Variants in IFT80 observed in about 807,000 individuals in gnomAD.
IFT80 encodes intraflagellar transport 80.
Under a neutral mutation model 107.9 loss-of-function variants are expected in IFT80, and 79 were observed. That is an observed-to-expected ratio of 0.73 (90% CI 0.61 to 0.88). The LOEUF is 0.88. IFT80 is among the 40% of genes least tolerant of loss of function. The pLI is 0.00. For missense variants in IFT80, 797 were observed against 914.2 expected (o/e 0.87, Z 1.65); for synonymous variants, 299 against 300.9 (o/e 0.99, Z 0.07).
chr3:160,347,951 T>C (rs2108347131), intron 8 of IFT80, among the ~76,000 whole-genome samples: 1 of 152,238 alleles, frequency 6.6e-6, no homozygotes, highest in Non-Finnish European at 1.5e-5. Flanking sequence ...GCATCTGACA[T>C]TTGGATATGT....
At chr3:160,390,181 G>C (rs1487843130) in intron 1 of IFT80, among the ~76,000 whole-genome samples, 1 of 152,132 alleles carries the variant, frequency 6.6e-6, no homozygotes, top group Non-Finnish European at 1.5e-5. Context: ...ACTTTGGGAG[G>C]CCGAGGCGGG....
At chr3:160,295,421 A>G (rs1283574731) in intron 12 of IFT80, among the ~76,000 whole-genome samples, 1 of 152,090 alleles carries the variant, frequency 6.6e-6, no homozygotes, top group Non-Finnish European at 1.5e-5. Flanking sequence ...CCCGGGCAAC[A>G]TAGTGAGCCA....
At chr3:160,379,677 A>G (rs1712315791) in intron 3 of IFT80, among the ~76,000 whole-genome samples, 1 of 152,204 alleles carries the variant, frequency 6.6e-6, no homozygotes, top group Non-Finnish European at 1.5e-5. Flanking sequence ...TGTTTGTACA[A>G]TTCTTAAAAC....
chr3:160,306,896 T>C (rs1481884839), intron 10 of IFT80, among the ~76,000 whole-genome samples: 1 of 152,230 alleles, frequency 6.6e-6, no homozygotes. Flanking sequence ...TGCTAGGTGC[T>C]AGGCATACAG....
At chr3:160,299,248 T>A (rs945792430) in intron 12 of IFT80, 1 of 1,157,262 alleles carries the variant, frequency 8.6e-7, no homozygotes, top group Non-Finnish European at 1.1e-6. Flanking sequence ...AAAAAAAAAT[T>A]ACCAAAAGTC....
At chr3:160,319,029 T>C (rs1324825600) in intron 9 of IFT80, among the ~76,000 whole-genome samples, 2 of 152,054 alleles carry the variant, frequency 1.3e-5, no homozygotes, top group Non-Finnish European at 2.9e-5. Flanking sequence ...CACTAGATCA[T>C]ACTTTTTTTG....
chr3:160,367,067 A>G (rs1182098000), intron 5 of IFT80, among the ~76,000 whole-genome samples: 1 of 152,106 alleles, frequency 6.6e-6, no homozygotes, highest in East Asian at 1.9e-4. Context: ...CAACATAATG[A>G]ATGAACTACA....
chr3:160,382,619 T>C (rs1225668905), intron 2 of IFT80, among the ~76,000 whole-genome samples: 2 of 152,300 alleles, frequency 1.3e-5, no homozygotes, highest in East Asian at 1.9e-4. Flanking sequence ...ACAAAGGATG[T>C]TTTCTCTTGC....
chr3:160,362,293 C>A (rs1162007178), intron 6 of IFT80, among the ~76,000 whole-genome samples: 1 of 152,164 alleles, frequency 6.6e-6, no homozygotes, highest in Non-Finnish European at 1.5e-5. Context: ...TCGATTAACT[C>A]CTGGACACAT....
chr3:160,386,361 T>C (rs893362738), intron 1 of IFT80, among the ~76,000 whole-genome samples: 2 of 152,266 alleles, frequency 1.3e-5, no homozygotes, highest in African/African-American at 4.8e-5. Flanking sequence ...GAACGCTGCA[T>C]TGAGGTGTTT....
intron 1 of IFT80, among the ~76,000 whole-genome samples, chr3:160,394,907 G>A (rs1413417143): frequency 6.6e-6 from 1 of 152,152 alleles, no homozygotes; most frequent in Non-Finnish European, 1.5e-5. Flanking sequence ...TTAAGCTGGT[G>A]GATACCAAAA....
At chr3:160,343,986 A>G (rs1221076496) in intron 8 of IFT80, among the ~76,000 whole-genome samples, 1 of 152,194 alleles carries the variant, frequency 6.6e-6, no homozygotes. Context: ...AGTAATAGCT[A>G]TGTCAAAAGT....
chr3:160,368,126 T>C (rs1224529340), intron 5 of IFT80, among the ~76,000 whole-genome samples: 1 of 151,914 alleles, frequency 6.6e-6, no homozygotes, highest in Non-Finnish European at 1.5e-5. Context: ...AATCTGAATT[T>C]CAGGGTTTGT....
At chr3:160,291,792 A>G (rs1350143717) in intron 12 of IFT80, among the ~76,000 whole-genome samples, 6 of 152,216 alleles carry the variant, frequency 3.9e-5, no homozygotes, top group Non-Finnish European at 8.8e-5. Context: ...TGGGTGCATT[A>G]AGGTATGTCG....
intron 8 of IFT80, among the ~76,000 whole-genome samples, chr3:160,333,421 A>C (rs1337973754): frequency 1.3e-5 from 2 of 152,190 alleles, no homozygotes; most frequent in Non-Finnish European, 2.9e-5. Context: ...AATTTTTTAA[A>C]CTTTTTGACT....
intron 3 of IFT80, among the ~76,000 whole-genome samples, chr3:160,380,967 G>A (rs1167382476): frequency 6.6e-6 from 1 of 151,944 alleles, no homozygotes; most frequent in Non-Finnish European, 1.5e-5. Context: ...GGGCATGGTG[G>A]CTCATACCTG....
At chr3:160,301,641 AG>A (rs1426573372) in intron 11 of IFT80, among the ~76,000 whole-genome samples, 1 of 151,912 alleles carries the variant, frequency 6.6e-6, no homozygotes, top group Admixed American at 6.6e-5. Flanking sequence ...TTTTTGCCAC[AG>A]GGTCAGATTC....
rs140202230 is a variant in IFT80, at chr3:160,303,973, T to C, written c.1093A>G (p.Thr365Ala). 66 of 1,610,068 alleles carry C rather than the reference T, an allele frequency of 4.1e-5. No homozygotes were observed. In the African/African-American group the frequency reaches 8.5e-4, roughly 21 times the overall value. Residue 365 changes from threonine (T) to alanine (A), a missense_variant, in exon 11 of 20, where the codon ACA (threonine) becomes GCA (alanine). Coordinates refer to ENST00000326448, the MANE Select transcript of IFT80 (RefSeq NM_020800.3). ...CYVFSTKNWN[T>A]PIIFDLKEGT... Reference sequence around the variant, plus strand: ...TCTTTGAGATCAAATATAATTGGTGTGTTCCAGTTCTTCGTGCTAAAAGAC... The same window carrying C: ...TCTTTGAGATCAAATATAATTGGTGCGTTCCAGTTCTTCGTGCTAAAAGAC...
At chr3:160,338,442 G>A (rs769004844) in intron 8 of IFT80, among the ~76,000 whole-genome samples, 2 of 152,092 alleles carry the variant, frequency 1.3e-5, no homozygotes, top group Non-Finnish European at 2.9e-5. Context: ...AGACCAGCCT[G>A]GGCAACATAG....
Sources: gnomAD v4.1 joint callset for allele counts (sites outside exome capture counted in the v4.1 genomes callset) on GRCh38, gnomAD v4.1.1 for gene constraint, MANE v1.5 for transcripts, NCBI Gene and HGNC (gene_info 2026-07-23, HGNC 2026-07-21) for gene names.